The following WAC variants were observed in gnomAD, a reference collection of about 807,000 sequenced individuals.
WAC encodes the protein WW domain containing adaptor with coiled-coil, also known as WW domain-containing adapter protein with coiled-coil.
In WAC, 11 loss-of-function variants were observed where a neutral mutation model predicts 79.6. That is an observed-to-expected ratio of 0.14 (90% CI 0.09 to 0.23). The LOEUF is 0.23. Among genes scored for constraint, WAC ranks in the 10% least tolerant of loss-of-function variants. WAC has a pLI of 1.00. For missense variants in WAC, 728 were observed against 773.5 expected, an observed-to-expected ratio of 0.94 and a Z score of 0.70; for synonymous variants, 304 against 276.9, an observed-to-expected ratio of 1.10 and a Z score of -0.97.
At chr10:28,552,119 G>A (rs1373789868) in intron 3 of WAC, among the ~76,000 whole-genome samples, 1 of 152,146 alleles carries the variant, frequency 6.6e-6, no homozygotes, top group African/African-American at 2.4e-5. Context: ...CCCAGCCCTT[G>A]TATGTGTATT....
At chr10:28,597,208 C>T (rs184774500) in intron 7 of WAC, among the ~76,000 whole-genome samples, 87 of 152,040 alleles carry the variant, frequency 5.7e-4, no homozygotes, top group Non-Finnish European at 9.3e-4. Context: ...AAAGATGGTT[C>T]GTACCAAAAT....
chr10:28,585,275 A>G (rs539797503), intron 4 of WAC, among the ~76,000 whole-genome samples: 232 of 152,214 alleles, frequency 1.5e-3, no homozygotes, highest in Non-Finnish European at 2.0e-3. Context: ...AATACCTCTG[A>G]GGGTATGGTG....
intron 3 of WAC, among the ~76,000 whole-genome samples, chr10:28,581,652 T>G (rs1365491559): frequency 6.6e-6 from 1 of 152,078 alleles, no homozygotes; most frequent in East Asian, 1.9e-4. Flanking sequence ...CCTCCCAGGT[T>G]CAAGTGATGC....
At chr10:28,562,479 G>A (rs959251631) in intron 3 of WAC, among the ~76,000 whole-genome samples, 11 of 152,146 alleles carry the variant, frequency 7.2e-5, no homozygotes, top group African/African-American at 2.7e-4. Flanking sequence ...GTCTGATATA[G>A]TGATTGATCT....
intron 7 of WAC, among the ~76,000 whole-genome samples, chr10:28,596,691 C>T (rs537066314): frequency 6.6e-6 from 1 of 152,302 alleles, no homozygotes; most frequent in East Asian, 1.9e-4. Flanking sequence ...AGACCATTCA[C>T]AATCTGAAAC....
chr10:28,611,357 G>A, intron 9 of WAC: 2 of 1,295,972 alleles, frequency 1.5e-6, no homozygotes, highest in Non-Finnish European at 2.0e-6. Context: ...CAGCAGGAAT[G>A]CCTTGTCTGG....
chr10:28,592,535 C>T (rs544611264), intron 6 of WAC, among the ~76,000 whole-genome samples: 2 of 152,144 alleles, frequency 1.3e-5, no homozygotes, highest in South Asian at 2.1e-4. Context: ...ACAGGATAAT[C>T]GCTTGAACCC....
intron 3 of WAC, among the ~76,000 whole-genome samples, chr10:28,572,216 A>G (rs895161033): frequency 3.3e-5 from 5 of 151,924 alleles, no homozygotes; most frequent in African/African-American, 4.8e-5. Flanking sequence ...AGGTGCATGT[A>G]ATCCCAGCTA....
chr10:28,560,753 T>C (rs1473312806), intron 3 of WAC, among the ~76,000 whole-genome samples: 4 of 152,202 alleles, frequency 2.6e-5, no homozygotes, highest in Non-Finnish European at 4.4e-5. Flanking sequence ...AACGTAGTAG[T>C]ATTCAAGTCT....
At chr10:28,592,614 C>G (rs1256223795) in intron 6 of WAC, among the ~76,000 whole-genome samples, 1 of 151,818 alleles carries the variant, frequency 6.6e-6, no homozygotes, top group Non-Finnish European at 1.5e-5. Flanking sequence ...GAGCAAGACT[C>G]TGTCTCCAAA....
intron 9 of WAC, 180 bp downstream of exon 9, chr10:28,611,001 T>C: frequency 3.0e-6 from 2 of 669,388 alleles, no homozygotes; most frequent in South Asian, 5.2e-5. Context: ...TTATTTCCTT[T>C]CTTTTTAGAT....
chr10:28,563,650 G>T (rs1029018517), intron 3 of WAC, among the ~76,000 whole-genome samples: 1 of 150,378 alleles, frequency 6.6e-6, no homozygotes, highest in East Asian at 2.0e-4. Flanking sequence ...CGCGATCTCC[G>T]CTCACTGCAG....
intron 2 of WAC, among the ~76,000 whole-genome samples, chr10:28,534,639 T>A (rs1836518116): frequency 6.6e-6 from 1 of 152,210 alleles, no homozygotes; most frequent in Non-Finnish European, 1.5e-5. Flanking sequence ...GTTACTGCAG[T>A]CATTGTGTGT....
chr10:28,546,163 A>G (rs754180708), intron 3 of WAC, among the ~76,000 whole-genome samples: 14 of 152,220 alleles, frequency 9.2e-5, no homozygotes, highest in Non-Finnish European at 1.8e-4. Flanking sequence ...AGCATGACCT[A>G]CTATTGGCGT....
At chr10:28,573,440 C>T (rs964081582) in intron 3 of WAC, among the ~76,000 whole-genome samples, 1 of 152,076 alleles carries the variant, frequency 6.6e-6, no homozygotes, top group Non-Finnish European at 1.5e-5. Flanking sequence ...TTGCAAAGCT[C>T]ACCCATATTG....
At chr10:28,567,626 G>A (rs901285003) in intron 3 of WAC, among the ~76,000 whole-genome samples, 1 of 152,130 alleles carries the variant, frequency 6.6e-6, no homozygotes, top group African/African-American at 2.4e-5. Flanking sequence ...CCAAAAAAAG[G>A]CAGTTTATTG....
intron 3 of WAC, among the ~76,000 whole-genome samples, chr10:28,560,262 C>CT (rs1175291184): frequency 2.0e-5 from 3 of 152,056 alleles, no homozygotes; most frequent in Admixed American, 1.3e-4. Context: ...TGGGAGGCAC[C>CT]TGAGGGGGCA....
At chr10:28,584,561 C>T (rs1204501193) in intron 4 of WAC, among the ~76,000 whole-genome samples, 2 of 151,992 alleles carry the variant, frequency 1.3e-5, no homozygotes, top group Non-Finnish European at 2.9e-5. Context: ...TCTCGGGTAG[C>T]AGTGTGGAAA....
chr10:28,552,816 T>A (rs1288305523), intron 3 of WAC, among the ~76,000 whole-genome samples: 1 of 130,054 alleles, frequency 7.7e-6, no homozygotes, highest in African/African-American at 2.9e-5. Context: ...GTTTTTAGTG[T>A]TTTGACAGTG....
Sources: allele counts gnomAD v4.1 joint callset (sites outside exome capture counted in the v4.1 genomes callset), GRCh38; gene constraint gnomAD v4.1.1; transcripts MANE v1.5; gene names NCBI Gene and HGNC (gene_info 2026-07-23, HGNC 2026-07-21).